The following ADCY2 variants were observed in gnomAD, a reference collection of about 807,000 sequenced individuals.
The protein encoded by ADCY2 is adenylate cyclase 2, also known as adenylate cyclase type 2.
A neutral mutation model predicts 125.2 loss-of-function variants in ADCY2; 31 were observed. The ratio of observed to expected loss-of-function variants is 0.25; its 90% CI spans 0.19 to 0.33. The LOEUF is 0.33. Among genes scored for constraint, ADCY2 ranks in the 10% least tolerant of loss-of-function variants. The probability of loss-of-function intolerance (pLI) is 1.00; values close to 1 mark genes in which losing one functional copy is unlikely to be tolerated. For synonymous variants in ADCY2, 512 were observed against 548.4 expected (o/e 0.93, Z 0.93); for missense variants, 904 against 1,418.2 (o/e 0.64, Z 5.82).
chr5:7,616,794 T>C (rs1303851485), intron 3 of ADCY2, among the ~76,000 whole-genome samples: 1 of 152,196 alleles, frequency 6.6e-6, no homozygotes, highest in Non-Finnish European at 1.5e-5. Flanking sequence ...CACCTCAGAA[T>C]GTGACTGTAT....
intron 2 of ADCY2, among the ~76,000 whole-genome samples, chr5:7,482,568 A>G (rs993792003): frequency 2.6e-5 from 4 of 152,076 alleles, no homozygotes; most frequent in Non-Finnish European, 5.9e-5. Flanking sequence ...GCACAACAGT[A>G]TGGAGGTTTC....
chr5:7,628,030 G>A (rs1040051435), intron 4 of ADCY2, among the ~76,000 whole-genome samples: 8 of 152,166 alleles, frequency 5.3e-5, no homozygotes, highest in African/African-American at 1.7e-4. Flanking sequence ...ATAGATAGTT[G>A]TTAACTTGGG....
intron 20 of ADCY2, chr5:7,794,625 G>A (rs1460970): frequency 0.79 from 120,687 of 152,070 alleles, 48,497 homozygotes; most frequent in African/African-American, 0.87. Context: ...CATAATGAGG[G>A]TGTTATAAGA....
intron 2 of ADCY2, among the ~76,000 whole-genome samples, chr5:7,455,004 A>C (rs1186508271): frequency 6.6e-6 from 1 of 152,174 alleles, no homozygotes; most frequent in Admixed American, 6.5e-5. Flanking sequence ...TGAAGTTGCT[A>C]GTCCGAAAGA....
chr5:7,438,483 G>C (rs925092085), intron 2 of ADCY2, among the ~76,000 whole-genome samples: 20 of 152,330 alleles, frequency 1.3e-4, no homozygotes, highest in Admixed American at 5.2e-4. Flanking sequence ...CTAGCAGAGA[G>C]AGGGTAGCAA....
In ADCY2 at chr5:7,522,050, A is replaced by G. The variant is rs554185533; in HGVS notation, c.570+1151A>G. ...CTCCTCTCTGCATTGCCTTTGACAC[A>G]TGCTAGGAACCTGCACCACCTGAGA... On this transcript the variant is annotated intron_variant, in intron 3 of 24. Transcript: ENST00000338316. Among the ~76,000 whole-genome samples the G allele has an allele frequency of 2.6e-5, 4 of 152,250 alleles. No homozygotes were observed. In the East Asian group the frequency reaches 7.7e-4, roughly 29 times the overall value.
chr5:7,785,983 A>T (rs1744072777), intron 19 of ADCY2, among the ~76,000 whole-genome samples: 1 of 152,194 alleles, frequency 6.6e-6, no homozygotes, highest in Admixed American at 6.5e-5. Flanking sequence ...GTTCAATATT[A>T]TGATTGAGCA....
chr5:7,556,032 TA>T (rs1325323447), intron 3 of ADCY2, among the ~76,000 whole-genome samples: 1 of 152,208 alleles, frequency 6.6e-6, no homozygotes, highest in East Asian at 1.9e-4. Flanking sequence ...ATAAAAATGA[TA>T]AAAAACTTAG....
At chr5:7,520,089 T>C (rs570703395) in intron 2 of ADCY2, among the ~76,000 whole-genome samples, 23 of 152,352 alleles carry the variant, frequency 1.5e-4, no homozygotes, top group African/African-American at 5.5e-4. Context: ...TGGGGTTGTT[T>C]GCTAGGAAAA....
chr5:7,586,211 C>T (rs778340399), intron 3 of ADCY2, among the ~76,000 whole-genome samples: 3 of 152,156 alleles, frequency 2.0e-5, no homozygotes, highest in African/African-American at 4.8e-5. Flanking sequence ...TTATTTATCT[C>T]GTTTTCCTTT....
intron 3 of ADCY2, among the ~76,000 whole-genome samples, chr5:7,539,636 G>T (rs1212627039): frequency 2.6e-5 from 4 of 152,216 alleles, no homozygotes; most frequent in Non-Finnish European, 5.9e-5. Context: ...AGCAATGGAA[G>T]ATTTGTGCAT....
chr5:7,676,992 C>A (rs1236968799), intron 4 of ADCY2, among the ~76,000 whole-genome samples: 1 of 152,096 alleles, frequency 6.6e-6, no homozygotes, highest in East Asian at 1.9e-4. Context: ...AATTCTTTAA[C>A]CCAGCCGGGT....
At chr5:7,654,395 G>A (rs971220441) in intron 4 of ADCY2, among the ~76,000 whole-genome samples, 2 of 152,124 alleles carry the variant, frequency 1.3e-5, no homozygotes, top group African/African-American at 4.8e-5. Flanking sequence ...ATGCCTGTAC[G>A]CTATGGAATG....
chr5:7,615,066 C>T (rs997886035), intron 3 of ADCY2, among the ~76,000 whole-genome samples: 3 of 152,104 alleles, frequency 2.0e-5, no homozygotes, highest in Non-Finnish European at 2.9e-5. Flanking sequence ...CATAGTGGAG[C>T]AGGAGAGAGA....
At chr5:7,520,333 T>C (rs940566056) in intron 2 of ADCY2, among the ~76,000 whole-genome samples, 53 of 152,160 alleles carry the variant, frequency 3.5e-4, no homozygotes, top group Admixed American at 3.5e-3. Flanking sequence ...CCTCCATGGG[T>C]CTCCACCCTG....
intron 2 of ADCY2, among the ~76,000 whole-genome samples, chr5:7,508,000 A>G (rs750351390): frequency 6.6e-6 from 1 of 150,866 alleles, no homozygotes; most frequent in Admixed American, 6.6e-5. Flanking sequence ...TAAGCTGACA[A>G]TTTTTTTTTT....
chr5:7,559,381 G>C (rs1735635226), intron 3 of ADCY2, among the ~76,000 whole-genome samples: 1 of 152,076 alleles, frequency 6.6e-6, no homozygotes, highest in African/African-American at 2.4e-5. Flanking sequence ...TCCTTGTAGA[G>C]ATCTTTCACC....
chr5:7,409,007 A>G lies in ADCY2; in HGVS notation c.211-5566A>G, dbSNP rs184016385. 7.6e-3 allele frequency among the ~76,000 whole-genome samples: 1,158 copies of G among 152,366 alleles called. 5 individuals are homozygous for G. Among genetic ancestry groups the G allele is most frequent in the South Asian group, 0.016 (77 of 4,832 alleles). On this transcript the variant is annotated intron_variant, in intron 1 of 24. Transcript: ENST00000338316. ...ATGCCCATCAATGGTAGACTGGATA[A>G]AGAAAATGTGGTACATATACACCAT...
chr5:7,746,606 T>G (rs532871505), intron 15 of ADCY2, among the ~76,000 whole-genome samples: 65 of 152,310 alleles, frequency 4.3e-4, no homozygotes, highest in African/African-American at 1.5e-3. Context: ...TCTTAATAGC[T>G]TCCCAGTTGT....
Sources: gnomAD v4.1 joint callset for allele counts (sites outside exome capture counted in the v4.1 genomes callset) on GRCh38, gnomAD v4.1.1 for gene constraint, MANE v1.5 for transcripts, NCBI Gene and HGNC (gene_info 2026-07-23, HGNC 2026-07-21) for gene names.